The following RNF38 variants were observed in gnomAD, a reference collection of about 807,000 sequenced individuals.
The protein encoded by RNF38 is E3 ubiquitin-protein ligase RNF38.
RNF38 carries 15 observed loss-of-function variants against 67.2 expected under a neutral mutation model. That is an observed-to-expected ratio of 0.22 (90% CI 0.15 to 0.34). The LOEUF (loss-of-function observed/expected upper bound fraction) is 0.34. Among genes scored for constraint, RNF38 ranks in the 10% least tolerant of loss-of-function variants. The probability of loss-of-function intolerance (pLI) is 1.00; values close to 1 mark genes in which losing one functional copy is unlikely to be tolerated. For missense variants in RNF38, 524 were observed against 639.9 expected, an observed-to-expected ratio of 0.82 and a Z score of 1.95; for synonymous variants, 220 against 218.8, an observed-to-expected ratio of 1.01 and a Z score of -0.05.
chr9:36,453,146 C>T (rs1839499726), intron 1 of RNF38, among the ~76,000 whole-genome samples: 2 of 152,170 alleles, frequency 1.3e-5, no homozygotes, highest in South Asian at 4.1e-4. Flanking sequence ...TTCTCCACAT[C>T]CTTGACAACG....
intron 1 of RNF38, among the ~76,000 whole-genome samples, chr9:36,451,793 C>A (rs1406102585): frequency 1.3e-5 from 2 of 151,774 alleles, no homozygotes; most frequent in Non-Finnish European, 2.9e-5. Flanking sequence ...AGCCACTGCA[C>A]CCGGCTTGCA....
intron 1 of RNF38, among the ~76,000 whole-genome samples, chr9:36,426,285 A>T (rs1157277264): frequency 6.6e-6 from 1 of 152,052 alleles, no homozygotes; most frequent in African/African-American, 2.4e-5. Context: ...CCATCATCAC[A>T]ATTTTAGGAC....
chr9:36,466,375 T>G (rs1295740571), intron 1 of RNF38, among the ~76,000 whole-genome samples: 1 of 152,244 alleles, frequency 6.6e-6, no homozygotes, highest in Non-Finnish European at 1.5e-5. Flanking sequence ...CTTAATTGTA[T>G]ACTTTATTTG....
upstream of RNF38, among the ~76,000 whole-genome samples, chr9:36,402,769 G>A (rs1838084964): frequency 6.6e-6 from 1 of 152,212 alleles, no homozygotes; most frequent in South Asian, 2.1e-4. Context: ...TGTGAGGCAA[G>A]CTTCCTGAAA....
At chr9:36,358,480 C>T (rs1452466506) in intron 4 of RNF38, among the ~76,000 whole-genome samples, 1 of 152,140 alleles carries the variant, frequency 6.6e-6, no homozygotes, top group Non-Finnish European at 1.5e-5. Context: ...TAAAATGTCA[C>T]ATTTATTTTT....
intron 2 of RNF38, among the ~76,000 whole-genome samples, chr9:36,415,415 G>A (rs965207121): frequency 6.6e-6 from 1 of 151,712 alleles, no homozygotes; most frequent in Non-Finnish European, 1.5e-5. Flanking sequence ...TTTTTTGTCC[G>A]TATCTTGTTT....
chr9:36,374,207 A>G (rs10814380), intron 3 of RNF38, among the ~76,000 whole-genome samples: 82,315 of 152,100 alleles, frequency 0.54, 23,399 homozygotes, highest in Non-Finnish European at 0.65. Flanking sequence ...TAATGTCTCA[A>G]CAGAATAGAG....
At chr9:36,484,581 TATAA>T (rs929922677) in intron 1 of RNF38, among the ~76,000 whole-genome samples, 1 of 152,156 alleles carries the variant, frequency 6.6e-6, no homozygotes, top group Non-Finnish European at 1.5e-5. Flanking sequence ...ACATTAAAGG[TATAA>T]ATAAAGCCCT....
intron 2 of RNF38, among the ~76,000 whole-genome samples, chr9:36,383,006 G>A (rs979277247): frequency 6.6e-6 from 1 of 152,026 alleles, no homozygotes; most frequent in Non-Finnish European, 1.5e-5. Flanking sequence ...CTCTATATAA[G>A]CAACTTGTTA....
chr9:36,483,075 C>T (rs954141092), intron 1 of RNF38, among the ~76,000 whole-genome samples: 10 of 152,100 alleles, frequency 6.6e-5, no homozygotes, highest in Non-Finnish European at 1.3e-4. Flanking sequence ...CTCTATGGTC[C>T]TACACAGCAG....
rs534492215 is a variant in RNF38 at position 36,482,687 on chromosome 9, A to C, written n.241+4621T>G. Among the ~76,000 whole-genome samples the C allele has an allele frequency of 2.0e-5, 3 of 152,290 alleles. 1 individual carries two copies. Among genetic ancestry groups the C allele is most frequent in the African/African-American group, 7.2e-5 (3 of 41,566 alleles). On this transcript the variant is annotated intron_variant and non_coding_transcript_variant, in intron 1 of 3. Transcript: ENST00000488058. Reference sequence around the variant, plus strand: ...ATTTTCTAAATAGCTTATTCTGTACATATTTCTCCAGCCTCATAACAAAGT... The same window carrying C: ...ATTTTCTAAATAGCTTATTCTGTACCTATTTCTCCAGCCTCATAACAAAGT...
chr9:36,368,702 T>C (rs902391161), intron 4 of RNF38, among the ~76,000 whole-genome samples: 1 of 152,174 alleles, frequency 6.6e-6, no homozygotes, highest in African/African-American at 2.4e-5. Flanking sequence ...GAAGAGTATC[T>C]AGGTAAGATA....
At chr9:36,407,098 A>T (rs915711658) in intron 2 of RNF38, among the ~76,000 whole-genome samples, 1 of 152,260 alleles carries the variant, frequency 6.6e-6, no homozygotes, top group African/African-American at 2.4e-5. Flanking sequence ...ATCTACAAGC[A>T]TGCTACAACT....
intron 1 of RNF38, among the ~76,000 whole-genome samples, chr9:36,447,499 T>C (rs1326159070): frequency 7.9e-5 from 12 of 152,146 alleles, no homozygotes; most frequent in Admixed American, 7.2e-4. Context: ...AAATCAGCAG[T>C]AAATAGCTGC....
chr9:36,346,126 A>G (rs1280231430), intron 9 of RNF38, among the ~76,000 whole-genome samples: 1 of 152,238 alleles, frequency 6.6e-6, no homozygotes, highest in Non-Finnish European at 1.5e-5. Context: ...AGGATAAATG[A>G]GACCACCTAA....
At chr9:36,432,283 T>C (rs1392535726) in intron 1 of RNF38, among the ~76,000 whole-genome samples, 1 of 152,010 alleles carries the variant, frequency 6.6e-6, no homozygotes, top group East Asian at 1.9e-4. Context: ...TACAGGGGTG[T>C]GCCATTATGC....
At chr9:36,487,194 G>T in intron 1 of RNF38, 3 of 680,090 alleles carry the variant, frequency 4.4e-6, no homozygotes, top group African/African-American at 1.9e-5. Context: ...AAGCTGACCC[G>T]GACAACGCTC....
intron 1 of RNF38, among the ~76,000 whole-genome samples, chr9:36,443,488 A>C (rs186651749): frequency 2.0e-5 from 3 of 152,358 alleles, no homozygotes; most frequent in Non-Finnish European, 1.5e-5. Flanking sequence ...TTCTATCTTT[A>C]TATTATTTAT....
At chr9:36,388,553 C>A (rs924026922) in intron 2 of RNF38, among the ~76,000 whole-genome samples, 7 of 151,998 alleles carry the variant, frequency 4.6e-5, no homozygotes, top group African/African-American at 1.7e-4. Flanking sequence ...CAGTAAGAAT[C>A]CAGGAAGTGT....
Sources: allele counts gnomAD v4.1 joint callset (sites outside exome capture counted in the v4.1 genomes callset), GRCh38; gene constraint gnomAD v4.1.1; transcripts MANE v1.5; gene names NCBI Gene and HGNC (gene_info 2026-07-23, HGNC 2026-07-21).